NDST4: variants seen among roughly 807,000 people sequenced by gnomAD.
The protein encoded by NDST4 is N-heparan sulfate sulfotransferase 4.
In NDST4, 63 loss-of-function variants were observed where a neutral mutation model predicts 100.8. That is an observed-to-expected ratio of 0.62 (90% CI 0.51 to 0.77). NDST4 has a LOEUF of 0.77. Among genes scored for constraint, NDST4 ranks in the 30% least tolerant of loss-of-function variants. NDST4 has a pLI of 0.00. For missense variants in NDST4, 943 were observed against 1,018.4 expected (o/e 0.93, Z 1.01); for synonymous variants, 377 against 361.8 (o/e 1.04, Z -0.48).
At chr4:115,039,436 A>C (rs1190157301) in intron 2 of NDST4, among the ~76,000 whole-genome samples, 3 of 135,918 alleles carry the variant, frequency 2.2e-5, no homozygotes, top group Non-Finnish European at 4.5e-5. Context: ...TTCTACACTG[A>C]AAGAAAAAAA....
intron 13 of NDST4, 70 bp downstream of exon 13, chr4:114,829,717 CTTG>C: frequency 9.3e-7 from 1 of 1,069,918 alleles, no homozygotes; most frequent in Non-Finnish European, 1.4e-6. Flanking sequence ...AAGCAAATTT[CTTG>C]TTACTAGTTT....
At chr4:114,973,663 A>T (rs546959442) in intron 3 of NDST4, among the ~76,000 whole-genome samples, 3 of 152,012 alleles carry the variant, frequency 2.0e-5, no homozygotes, top group Admixed American at 2.0e-4. Context: ...TATGCTTCTG[A>T]AATTTCTTTA....
chr4:114,895,287 A>G (rs1724690469), intron 6 of NDST4, among the ~76,000 whole-genome samples: 1 of 152,188 alleles, frequency 6.6e-6, no homozygotes, highest in African/African-American at 2.4e-5. Context: ...ACACAATTGA[A>G]AATAATAAAG....
intron 12 of NDST4, among the ~76,000 whole-genome samples, chr4:114,832,886 C>T (rs751480807): frequency 5.3e-5 from 8 of 152,182 alleles, no homozygotes; most frequent in Admixed American, 1.3e-4. Flanking sequence ...CTGATCTCAG[C>T]CTTTGAGCCA....
intron 5 of NDST4, among the ~76,000 whole-genome samples, chr4:114,936,061 T>C (rs1725622846): frequency 6.6e-6 from 1 of 152,016 alleles, no homozygotes; most frequent in Non-Finnish European, 1.5e-5. Context: ...TAAATGAATA[T>C]AATATTGGTT....
At chr4:115,043,821 T>A (rs1728404340) in intron 2 of NDST4, among the ~76,000 whole-genome samples, 1 of 152,068 alleles carries the variant, frequency 6.6e-6, no homozygotes, top group African/African-American at 2.4e-5. Context: ...AGAAGGGATA[T>A]AATATAAAAG....
chr4:114,999,333 T>C (rs1727232791), intron 2 of NDST4, among the ~76,000 whole-genome samples: 2 of 152,158 alleles, frequency 1.3e-5, no homozygotes, highest in South Asian at 2.1e-4. Flanking sequence ...GGTGTGACCA[T>C]TTAGATTCTC....
At chr4:114,938,991 T>C (rs1244974414) in intron 4 of NDST4, among the ~76,000 whole-genome samples, 4 of 152,218 alleles carry the variant, frequency 2.6e-5, no homozygotes. Flanking sequence ...CTAGCACTTG[T>C]GTTTCCAACA....
At chr4:114,979,061 C>T (rs1355888840) in intron 2 of NDST4, among the ~76,000 whole-genome samples, 1 of 151,986 alleles carries the variant, frequency 6.6e-6, no homozygotes, top group Non-Finnish European at 1.5e-5. Context: ...ATTGCTATTT[C>T]CTGCAAATCA....
intron 6 of NDST4, among the ~76,000 whole-genome samples, chr4:114,933,453 T>TG (rs1553955203): frequency 0.01 from 1,410 of 140,904 alleles, 3 homozygotes; most frequent in African/African-American, 0.025. Flanking sequence ...TTTTTTTTTT[T>TG]TGTGTGTAAA....
At chr4:114,965,837 T>C (rs1726368064) in intron 4 of NDST4, among the ~76,000 whole-genome samples, 1 of 152,092 alleles carries the variant, frequency 6.6e-6, no homozygotes, top group Non-Finnish European at 1.5e-5. Flanking sequence ...TTTCTTTCTA[T>C]GGCTGGAAAA....
chr4:114,908,508 G>A (rs979903322), intron 6 of NDST4, among the ~76,000 whole-genome samples: 28 of 148,790 alleles, frequency 1.9e-4, no homozygotes, highest in African/African-American at 6.7e-4. Flanking sequence ...ATTATGTAGA[G>A]TTTGTTAGAT....
intron 2 of NDST4, among the ~76,000 whole-genome samples, chr4:115,067,613 C>T (rs1578496271): frequency 6.6e-6 from 1 of 151,680 alleles, no homozygotes; most frequent in Non-Finnish European, 1.5e-5. Flanking sequence ...TTCATAACAA[C>T]CTGTCTCCTG....
Position 114,860,794 on chromosome 4 carries a change from C to T in NDST4, c.1720-7973G>A, listed in dbSNP as rs551655234. Among the ~76,000 whole-genome samples the T allele has an allele frequency of 2.6e-5, 4 of 152,288 alleles. No individual in the cohort carries two copies. In the South Asian group the frequency reaches 6.2e-4, roughly 24 times the overall value. On this transcript the variant is annotated intron_variant, in intron 7 of 13. Coordinates refer to ENST00000264363, the MANE Select transcript of NDST4 (RefSeq NM_022569.3). Reference sequence around the variant, plus strand: ...CTCTAGCTCATTGTGTTTCAAAGTACTTGTCTATGAGAAGATAAGGAGCTT... The same window carrying T: ...CTCTAGCTCATTGTGTTTCAAAGTATTTGTCTATGAGAAGATAAGGAGCTT...
At chr4:114,898,753 A>T (rs1230503313) in intron 6 of NDST4, among the ~76,000 whole-genome samples, 1 of 152,056 alleles carries the variant, frequency 6.6e-6, no homozygotes, top group East Asian at 1.9e-4. Flanking sequence ...TTTTGCACTT[A>T]TTAGAATTAT....
chr4:114,935,077 T>A (rs1012501591), intron 6 of NDST4, 129 bp downstream of exon 6: 2 of 704,840 alleles, frequency 2.8e-6, no homozygotes, highest in Non-Finnish European at 4.0e-6. Flanking sequence ...TTAATATAGA[T>A]TTAAATGCAT....
At chr4:114,835,842 G>A (rs187507801) in intron 11 of NDST4, among the ~76,000 whole-genome samples, 244 of 152,180 alleles carry the variant, frequency 1.6e-3, no homozygotes, top group Middle Eastern at 3.4e-3. Flanking sequence ...TTCTTGTTGC[G>A]TTGATCCCTT....
At chr4:114,859,164 C>A (rs1472969069) in intron 7 of NDST4, among the ~76,000 whole-genome samples, 1 of 152,148 alleles carries the variant, frequency 6.6e-6, no homozygotes, top group Non-Finnish European at 1.5e-5. Flanking sequence ...CTAAACACAG[C>A]TTTTCTCCTA....
intron 8 of NDST4, among the ~76,000 whole-genome samples, chr4:114,851,913 G>C (rs1229020902): frequency 6.6e-6 from 1 of 152,086 alleles, no homozygotes; most frequent in Non-Finnish European, 1.5e-5. Context: ...ATCTGGGCCA[G>C]GCTTATTTAT....
Sources: allele counts gnomAD v4.1 joint callset (sites outside exome capture counted in the v4.1 genomes callset), GRCh38; gene constraint gnomAD v4.1.1; transcripts MANE v1.5; gene names NCBI Gene and HGNC (gene_info 2026-07-23, HGNC 2026-07-21).